The following EPC1 variants were observed in gnomAD, a reference collection of about 807,000 sequenced individuals.
The protein encoded by EPC1 is enhancer of polycomb homolog 1.
Under a neutral mutation model 98.4 loss-of-function variants are expected in EPC1, and 12 were observed. The observed-to-expected ratio is 0.12, with a 90% CI of 0.08 to 0.20. The LOEUF (loss-of-function observed/expected upper bound fraction) is 0.20. Among genes scored for constraint, EPC1 ranks in the 10% least tolerant of loss-of-function variants. EPC1 has a pLI of 1.00. For synonymous variants in EPC1, 357 were observed against 363.9 expected, an observed-to-expected ratio of 0.98 and a Z score of 0.21; for missense variants, 729 against 990.5, an observed-to-expected ratio of 0.74 and a Z score of 3.54.
At chr10:32,337,968 A>G (rs775556983) in intron 1 of EPC1, among the ~76,000 whole-genome samples, 20 of 152,256 alleles carry the variant, frequency 1.3e-4, no homozygotes, top group African/African-American at 2.4e-5. Context: ...AAATCTTTTC[A>G]GTAGCTCCTC....
chr10:32,293,245 A>C lies in EPC1; in HGVS notation c.460-51T>G, dbSNP rs138416073. On this transcript the variant is annotated intron_variant, in intron 3 of 13. Coordinates refer to ENST00000319778, the MANE Select transcript of EPC1 (RefSeq NM_001272004.3). ...TTCATACAATACACATACAAGGTTC[A>C]TAAGTATTTACTTCTAAATTTAAAG... The C allele has an allele frequency of 2.2e-6, 3 of 1,342,482 alleles. No homozygotes were observed. The South Asian group carries it at 3.9e-5, about 17-fold the overall frequency. 83.2% of individuals were successfully genotyped at this position (1,342,482 alleles called of 1,614,324 possible).
upstream of EPC1, among the ~76,000 whole-genome samples, chr10:32,352,042 ATTTTTTTT>A (rs35657158): frequency 8.6e-5 from 8 of 93,454 alleles, no homozygotes; most frequent in Admixed American, 5.0e-4. Context: ...AGCCATATTG[ATTTTTTTT>A]TTTTTTTTTT....
At chr10:32,282,668 T>C (rs1294519459) in intron 10 of EPC1, 1 of 152,218 alleles carries the variant, frequency 6.6e-6, no homozygotes, top group African/African-American at 2.4e-5. Context: ...ATCAAACAAT[T>C]TTTACAACTG....
chr10:32,277,931 AACAGCCTATAGT>A (rs1175693797), intron 10 of EPC1, among the ~76,000 whole-genome samples: 4 of 152,140 alleles, frequency 2.6e-5, no homozygotes, highest in Non-Finnish European at 5.9e-5. Flanking sequence ...CAGCAGCTGG[AACAGCCTATAGT>A]TCAGACTGCT....
chr10:32,317,050 A>C (rs1424406121), intron 1 of EPC1, among the ~76,000 whole-genome samples: 2 of 152,192 alleles, frequency 1.3e-5, no homozygotes, highest in African/African-American at 4.8e-5. Flanking sequence ...GAAAATGTTC[A>C]CTGTAAAATC....
intron 1 of EPC1, among the ~76,000 whole-genome samples, chr10:32,332,937 A>G (rs1316704876): frequency 6.6e-6 from 1 of 152,218 alleles, no homozygotes; most frequent in Non-Finnish European, 1.5e-5. Context: ...TCATAAGGCT[A>G]CAAGGAGAAT....
chr10:32,273,144 A>G lies in EPC1; in HGVS notation c.1863+19T>C. ...TGGGAAACAATGAGGGATAATCATAAGACAGACAAATCCCTCACCTGTGAT... is the reference window on the plus strand; with the variant it reads ...TGGGAAACAATGAGGGATAATCATAGGACAGACAAATCCCTCACCTGTGAT... On this transcript the variant is annotated intron_variant, in intron 11 of 13. Coordinates refer to ENST00000319778, the MANE Select transcript of EPC1 (RefSeq NM_001272004.3). 6.2e-7 allele frequency: 1 copy of G among 1,614,146 alleles called. No individual in the cohort carries two copies. Among genetic ancestry groups the G allele is most frequent in the South Asian group, 1.1e-5 (1 of 91,086 alleles).
chr10:32,291,123 T>A (rs543284161), intron 6 of EPC1, 40 bp downstream of exon 6: 3 of 1,550,576 alleles, frequency 1.9e-6, no homozygotes, highest in Admixed American at 1.7e-5. Context: ...TAAAATACCA[T>A]CCCATTATTA....
At chr10:32,360,978 T>A (rs779901330) in intron 1 of EPC1, among the ~76,000 whole-genome samples, 9 of 152,136 alleles carry the variant, frequency 5.9e-5, no homozygotes, top group Admixed American at 2.0e-4. Flanking sequence ...GCCCGTTCCT[T>A]ATTCTCTTTT....
At chr10:32,308,041 C>G (rs996107406) in intron 1 of EPC1, among the ~76,000 whole-genome samples, 5 of 152,136 alleles carry the variant, frequency 3.3e-5, no homozygotes, top group African/African-American at 1.2e-4. Context: ...TTAACTAGTT[C>G]TGATATCTGG....
At chr10:32,345,414 G>A (rs1000149068) in intron 1 of EPC1, 1 of 985,176 alleles carries the variant, frequency 1.0e-6, no homozygotes, top group Non-Finnish European at 1.2e-6. Flanking sequence ...CAACATTACA[G>A]AGCATAATTT....
At chr10:32,341,119 C>T (rs1202664796) in intron 1 of EPC1, among the ~76,000 whole-genome samples, 2 of 152,168 alleles carry the variant, frequency 1.3e-5, no homozygotes, top group African/African-American at 2.4e-5. Context: ...CTAAGAAGTA[C>T]AATCACAAAT....
intron 1 of EPC1, among the ~76,000 whole-genome samples, chr10:32,308,830 C>T (rs181348407): frequency 1.3e-5 from 2 of 152,294 alleles, no homozygotes; most frequent in Admixed American, 1.3e-4. Flanking sequence ...GGTATCTGCA[C>T]TCTCATGTTT....
chr10:32,270,986 G>C (rs1835813818), intron 13 of EPC1, among the ~76,000 whole-genome samples: 1 of 136,190 alleles, frequency 7.3e-6, no homozygotes, highest in South Asian at 2.6e-4. Flanking sequence ...AGAAAACTGA[G>C]AGCATTATAC....
intron 1 of EPC1, among the ~76,000 whole-genome samples, chr10:32,375,943 C>T (rs1057183567): frequency 6.6e-6 from 1 of 151,844 alleles, no homozygotes; most frequent in Admixed American, 6.6e-5. Context: ...TCATGAACTA[C>T]ATTTCTATAA....
At chr10:32,302,684 C>T (rs992736095) in intron 2 of EPC1, among the ~76,000 whole-genome samples, 8 of 148,760 alleles carry the variant, frequency 5.4e-5, no homozygotes, top group Non-Finnish European at 1.2e-4. Flanking sequence ...GGGAGCGGCG[C>T]AAAAGACATG....
chr10:32,273,417 T>A (rs1478779673), intron 10 of EPC1, 136 bp from the exon 11 acceptor site: 1 of 1,124,612 alleles, frequency 8.9e-7, no homozygotes, highest in Admixed American at 3.3e-5. Flanking sequence ...CTGCTAAAGA[T>A]CACTTCCAAA....
At chr10:32,287,339 G>A in intron 6 of EPC1, 65 bp from the exon 7 acceptor site, 1 of 1,560,072 alleles carries the variant, frequency 6.4e-7, no homozygotes. Context: ...CAGTTTTGGG[G>A]GAAATTTTAA....
At chr10:32,328,720 C>T (rs1837455016) in intron 1 of EPC1, among the ~76,000 whole-genome samples, 1 of 152,178 alleles carries the variant, frequency 6.6e-6, no homozygotes, top group African/African-American at 2.4e-5. Flanking sequence ...CAGCCCTTGT[C>T]ACACGGGGCT....
Sources: allele counts gnomAD v4.1 joint callset (sites outside exome capture counted in the v4.1 genomes callset), GRCh38; gene constraint gnomAD v4.1.1; transcripts MANE v1.5; gene names NCBI Gene and HGNC (gene_info 2026-07-23, HGNC 2026-07-21).